Variants in EPCIP observed in about 807,000 individuals in gnomAD.
EPCIP encodes the protein exosomal polycystin 1 interacting protein.
chr21:32,794,709 G>A, the EPCIP span, among the ~76,000 whole-genome samples: 1 of 152,220 alleles, frequency 6.6e-6, no homozygotes, highest in Non-Finnish European at 1.5e-5. Flanking sequence ...CTCATCTGAG[G>A]TGTAAAACTC....
chr21:32,803,460 A>G, the EPCIP span, among the ~76,000 whole-genome samples: 1 of 152,100 alleles, frequency 6.6e-6, no homozygotes, highest in Non-Finnish European at 1.5e-5. Flanking sequence ...CGTTGAGGTC[A>G]AGGAGGGGTG....
At chr21:32,791,906 T>C in the EPCIP span, among the ~76,000 whole-genome samples, 11 of 151,966 alleles carry the variant, frequency 7.2e-5, no homozygotes, top group Non-Finnish European at 1.6e-4. Flanking sequence ...CTTTTTTCTT[T>C]TCTTTTTTTT....
At chr21:32,805,362 T>TA in the EPCIP span, among the ~76,000 whole-genome samples, 4,487 of 151,574 alleles carry the variant, frequency 0.03, 107 homozygotes, top group African/African-American at 0.055. Context: ...TAGATTATAT[T>TA]TTTTTTTTTT....
chr21:32,800,654 A>G, the EPCIP span, among the ~76,000 whole-genome samples: 1 of 152,144 alleles, frequency 6.6e-6, no homozygotes, highest in Non-Finnish European at 1.5e-5. Context: ...TGTCTCTACT[A>G]AAAATACAAA....
the EPCIP span, chr21:32,810,603 G>A: frequency 2.1e-6 from 1 of 471,218 alleles, no homozygotes; most frequent in South Asian, 1.5e-5. Flanking sequence ...CCAGCTCAGT[G>A]CATGGCTGTC....
chr21:32,800,260 T>G, the EPCIP span, among the ~76,000 whole-genome samples: 1 of 152,216 alleles, frequency 6.6e-6, no homozygotes, highest in East Asian at 1.9e-4. Flanking sequence ...GTATAAACAT[T>G]ATCTAAATGT....
At chr21:32,804,172 A>G in the EPCIP span, among the ~76,000 whole-genome samples, 1 of 152,072 alleles carries the variant, frequency 6.6e-6, no homozygotes, top group Non-Finnish European at 1.5e-5. Flanking sequence ...ACTAGTATAT[A>G]GTTGGATCAG....
chr21:32,813,584 T>A, the EPCIP span: 1 of 470,878 alleles, frequency 2.1e-6, no homozygotes, highest in Non-Finnish European at 4.4e-6. Context: ...AACACAGAAA[T>A]TACTTACATC....
the EPCIP span, among the ~76,000 whole-genome samples, chr21:32,796,391 G>A: frequency 6.6e-6 from 1 of 152,132 alleles, no homozygotes; most frequent in Non-Finnish European, 1.5e-5. Flanking sequence ...TATCCTCCAG[G>A]ATTTATCCTC....
At chr21:32,802,289 T>A in the EPCIP span, among the ~76,000 whole-genome samples, 5 of 152,250 alleles carry the variant, frequency 3.3e-5, no homozygotes, top group East Asian at 1.9e-4. Flanking sequence ...GTAGCATTTT[T>A]AAAAATTTAA....
the EPCIP span, among the ~76,000 whole-genome samples, chr21:32,805,775 AGC>A: frequency 2.6e-5 from 4 of 152,188 alleles, no homozygotes; most frequent in Non-Finnish European, 5.9e-5. Context: ...CTGTATTCAC[AGC>A]CCTGCAGTGT....
At chr21:32,810,765 T>C in the EPCIP span, 5 of 435,582 alleles carry the variant, frequency 1.1e-5, no homozygotes, top group South Asian at 8.3e-5. Flanking sequence ...TCTTTCTGAA[T>C]GTCTAGTAGA....
chr21:32,794,981 G>A, the EPCIP span, among the ~76,000 whole-genome samples: 7 of 152,256 alleles, frequency 4.6e-5, no homozygotes, highest in Middle Eastern at 3.4e-3. Flanking sequence ...CTATCCAAGC[G>A]CTACCTATTA....
the EPCIP span, among the ~76,000 whole-genome samples, chr21:32,809,647 G>A: frequency 1.3e-5 from 2 of 152,080 alleles, no homozygotes; most frequent in African/African-American, 4.8e-5. Flanking sequence ...ACAGGCATGA[G>A]CCACCGCGCC....
the EPCIP span, among the ~76,000 whole-genome samples, chr21:32,793,082 C>T: frequency 1.3e-5 from 2 of 151,930 alleles, no homozygotes; most frequent in South Asian, 2.1e-4. Flanking sequence ...GCTCAGCCTC[C>T]GAGTAGCTGG....
At chr21:32,796,913 GAA>G in the EPCIP span, 14 of 466,490 alleles carry the variant, frequency 3.0e-5, no homozygotes, top group Admixed American at 3.3e-4. Flanking sequence ...AACCTAGTGA[GAA>G]AAGTGTCTGC....
chr21:32,809,144 G>A, the EPCIP span, among the ~76,000 whole-genome samples: 1 of 149,984 alleles, frequency 6.7e-6, no homozygotes, highest in Non-Finnish European at 1.5e-5. Flanking sequence ...GAAAGGAGAG[G>A]CATCACGGCA....
At chr21:32,793,910 T>G in the EPCIP span, 1 of 1,614,086 alleles carries the variant, frequency 6.2e-7, no homozygotes, top group Non-Finnish European at 8.5e-7. Flanking sequence ...AAGAGCCATA[T>G]CTAAGAATGA....
At chr21:32,796,514 G>A in the EPCIP span, among the ~76,000 whole-genome samples, 1 of 152,158 alleles carries the variant, frequency 6.6e-6, no homozygotes, top group African/African-American at 2.4e-5. Flanking sequence ...TGGATAAGGC[G>A]GTTTAGAGTG....
Sources: gnomAD v4.1 joint callset for allele counts (sites outside exome capture counted in the v4.1 genomes callset) on GRCh38, gnomAD v4.1.1 for gene constraint, MANE v1.5 for transcripts, NCBI Gene and HGNC (gene_info 2026-07-23, HGNC 2026-07-21) for gene names.